SPAG9: variants seen among roughly 807,000 people sequenced by gnomAD.
The protein encoded by SPAG9 is C-Jun-amino-terminal kinase-interacting protein 4.
Under a neutral mutation model 166.5 loss-of-function variants are expected in SPAG9, and 35 were observed. That is an observed-to-expected ratio of 0.21 (90% CI 0.16 to 0.28). The LOEUF (loss-of-function observed/expected upper bound fraction) is 0.28, where lower values mean the gene tolerates loss of function less well. Ranked by LOEUF, SPAG9 falls within the 10% of genes least tolerant of loss-of-function variation. The pLI is 1.00. For synonymous variants in SPAG9, 534 were observed against 565.5 expected (o/e 0.94, Z 0.79); for missense variants, 1,235 against 1,603.3 (o/e 0.77, Z 3.92).
At chr17:51,118,133 CAAA>C (rs201570298) in intron 1 of SPAG9, among the ~76,000 whole-genome samples, 3 of 90,730 alleles carry the variant, frequency 3.3e-5, no homozygotes, top group Non-Finnish European at 4.7e-5. Context: ...GACTCTGTCT[CAAA>C]AAAAAAAAAA....
chr17:51,051,738 A>G (rs891484357), intron 3 of SPAG9, among the ~76,000 whole-genome samples: 2 of 152,184 alleles, frequency 1.3e-5, no homozygotes, highest in Admixed American at 6.5e-5. Flanking sequence ...ATCAGGCAAT[A>G]GAATCTGACA....
At chr17:51,115,828 C>CAAAAAAAA (rs915419234) in intron 1 of SPAG9, among the ~76,000 whole-genome samples, 1 of 144,550 alleles carries the variant, frequency 6.9e-6, no homozygotes. Flanking sequence ...AACTCCATCT[C>CAAAAAAAA]AAAAAAAAAG....
chr17:51,055,617 G>A (rs1177197503), intron 3 of SPAG9, among the ~76,000 whole-genome samples: 2 of 151,896 alleles, frequency 1.3e-5, no homozygotes, highest in African/African-American at 4.8e-5. Flanking sequence ...AAAAAAACGG[G>A]CTAAGACTGG....
intron 1 of SPAG9, among the ~76,000 whole-genome samples, chr17:51,082,387 A>AC (rs2048189468): frequency 6.6e-6 from 1 of 150,906 alleles, no homozygotes; most frequent in Non-Finnish European, 1.5e-5. Flanking sequence ...CAAAAAAAAA[A>AC]AAAAAAAAAA....
At chr17:51,093,691 T>C (rs2048532665) in intron 1 of SPAG9, among the ~76,000 whole-genome samples, 1 of 82,820 alleles carries the variant, frequency 1.2e-5, no homozygotes, top group Non-Finnish European at 2.2e-5. Context: ...CAAGACTCCG[T>C]CTCAAAAAAA....
chr17:51,059,858 A>G (rs575594031), intron 2 of SPAG9, among the ~76,000 whole-genome samples: 36 of 152,174 alleles, frequency 2.4e-4, no homozygotes, highest in African/African-American at 8.2e-4. Context: ...GACCCAAGAC[A>G]TCATCTCTTG....
intron 3 of SPAG9, among the ~76,000 whole-genome samples, chr17:51,050,856 T>G (rs1368844352): frequency 7.9e-5 from 12 of 151,832 alleles, no homozygotes; most frequent in Admixed American, 6.6e-4. Flanking sequence ...GTCTCAGAAC[T>G]GCAATTCTCA....
At chr17:51,077,093 T>TAGCTATCTAGCTATCTAGCTAG in intron 2 of SPAG9, among the ~76,000 whole-genome samples, 1 of 56,120 alleles carries the variant, frequency 1.8e-5, no homozygotes, top group East Asian at 4.3e-4. Flanking sequence ...TAGCTAGCTA[T>TAGCTATCTAGCTATCTAGCTAG]CTATCTAGCT....
intron 1 of SPAG9, 26 bp from the exon 2 acceptor site, chr17:51,079,730 T>A (rs1388826098): frequency 7.0e-7 from 1 of 1,432,004 alleles, no homozygotes; most frequent in Admixed American, 1.9e-5. Context: ...AATATAAATT[T>A]AATCAGAGAA....
At chr17:51,097,625 G>A (rs759705209) in intron 1 of SPAG9, among the ~76,000 whole-genome samples, 2 of 152,028 alleles carry the variant, frequency 1.3e-5, no homozygotes, top group Admixed American at 6.6e-5. Flanking sequence ...AAAATAACCT[G>A]AGGCTTGAGA....
At chr17:51,010,583 AT>A (rs551355916) in intron 9 of SPAG9, among the ~76,000 whole-genome samples, 1,498 of 114,868 alleles carry the variant, frequency 0.013, 26 homozygotes, top group African/African-American at 0.045. Flanking sequence ...AAAAAAAAAA[AT>A]ATATATATAT....
chr17:50,972,015 C>T (rs1321162831), intron 28 of SPAG9, among the ~76,000 whole-genome samples: 1 of 152,072 alleles, frequency 6.6e-6, no homozygotes, highest in East Asian at 1.9e-4. Flanking sequence ...GATCCACCCA[C>T]CTAGGCCTCC....
At chr17:51,044,679 G>T (rs979633833) in intron 4 of SPAG9, among the ~76,000 whole-genome samples, 3 of 152,116 alleles carry the variant, frequency 2.0e-5, no homozygotes, top group African/African-American at 7.2e-5. Context: ...AAGAAACAGG[G>T]ATTATTTTTC....
At chr17:50,991,063 C>T (rs763729038) in intron 19 of SPAG9, among the ~76,000 whole-genome samples, 2 of 151,972 alleles carry the variant, frequency 1.3e-5, no homozygotes, top group African/African-American at 2.4e-5. Context: ...TGAGCCACCA[C>T]GCCTGGCTAA....
At chr17:51,113,479 A>G (rs2049184780) in intron 1 of SPAG9, among the ~76,000 whole-genome samples, 1 of 151,902 alleles carries the variant, frequency 6.6e-6, no homozygotes, top group African/African-American at 2.4e-5. Flanking sequence ...TAGGAGTTCA[A>G]TACCAGCCTG....
chr17:50,998,022 ATTTTTTTTTT>A (rs563896612), intron 15 of SPAG9, among the ~76,000 whole-genome samples: 34 of 90,758 alleles, frequency 3.7e-4, no homozygotes, highest in African/African-American at 9.0e-4. Context: ...TACAGAAATG[ATTTTTTTTTT>A]TTTTTTTTTT....
intron 1 of SPAG9, among the ~76,000 whole-genome samples, chr17:51,093,105 T>G (rs906659561): frequency 6.7e-6 from 1 of 148,930 alleles, no homozygotes; most frequent in African/African-American, 2.5e-5. Context: ...CCAGGCATAG[T>G]GGCTCATGCT....
At chr17:50,996,443 G>T in intron 16 of SPAG9, 122 bp downstream of exon 16, 1 of 1,113,240 alleles carries the variant, frequency 9.0e-7, no homozygotes, top group Non-Finnish European at 1.3e-6. Context: ...TTAAATGTGT[G>T]CCCAGTCCAT....
Position 50,966,285 on chromosome 17 carries a change from T to C in SPAG9, c.3953A>G (p.Tyr1318Cys). Residue 1318 changes from tyrosine to cysteine, a missense_variant, in exon 30 of 30, where the codon TAT becomes TGT. Transcript: ENST00000262013. ...RSHLIVWQVM[Y>C]GNE ...TTTCCCATGGGCTCACTCATTGCCA[T>C]ACATCACTTGCCACACTATCAAGTG... is the stretch of plus-strand genomic sequence containing the variant. 1.2e-6 allele frequency: 2 copies of C among 1,609,242 alleles called. No individual in the cohort carries two copies. The highest frequency in any genetic ancestry group is 1.7e-4 in the Middle Eastern group (1 of 6,052).
Sources: gnomAD v4.1 joint callset for allele counts (sites outside exome capture counted in the v4.1 genomes callset) on GRCh38, gnomAD v4.1.1 for gene constraint, MANE v1.5 for transcripts, NCBI Gene and HGNC (gene_info 2026-07-23, HGNC 2026-07-21) for gene names.